Variants in LOXHD1 observed in about 807,000 individuals in gnomAD.
LOXHD1 encodes lipoxygenase homology PLAT domains 1, also known as lipoxygenase homology domain-containing protein 1.
LOXHD1 carries 205 observed loss-of-function variants against 248.2 expected under a neutral mutation model. The observed-to-expected ratio is 0.83, with a 90% CI of 0.74 to 0.93. LOXHD1 has a LOEUF of 0.93. Ranked by LOEUF, LOXHD1 falls within the 40% of genes least tolerant of loss-of-function variation. The pLI, the probability that LOXHD1 is intolerant of heterozygous loss-of-function variation, is 0.00. For synonymous variants in LOXHD1, 1,113 were observed against 1,162.8 expected, an observed-to-expected ratio of 0.96 and a Z score of 0.87; for missense variants, 2,930 against 2,971.6, an observed-to-expected ratio of 0.99 and a Z score of 0.33.
At chr18:46,656,774 A>G (rs2144417371) in intron 1 of LOXHD1, 130 bp downstream of exon 1, 1 of 1,086,800 alleles carries the variant, frequency 9.2e-7, no homozygotes, top group African/African-American at 1.6e-5. Flanking sequence ...GATATGGAAC[A>G]GACACATGGG....
At chr18:46,539,417 C>T (rs983994589) in intron 25 of LOXHD1, among the ~76,000 whole-genome samples, 3 of 151,964 alleles carry the variant, frequency 2.0e-5, no homozygotes, top group Non-Finnish European at 2.9e-5. Context: ...GCTGAGATCA[C>T]GCCACTGCAC....
At chr18:46,641,304 C>T (rs2038960087) in intron 3 of LOXHD1, among the ~76,000 whole-genome samples, 1 of 152,184 alleles carries the variant, frequency 6.6e-6, no homozygotes, top group Non-Finnish European at 1.5e-5. Flanking sequence ...GAACATCTGA[C>T]AATGGGCATG....
At chr18:46,552,670 C>A (rs1372498585) in intron 21 of LOXHD1, among the ~76,000 whole-genome samples, 1 of 152,194 alleles carries the variant, frequency 6.6e-6, no homozygotes, top group Non-Finnish European at 1.5e-5. Flanking sequence ...AGGCCAGCAT[C>A]TCCCACCAGT....
intron 5 of LOXHD1, among the ~76,000 whole-genome samples, chr18:46,612,198 T>C (rs1245926763): frequency 6.6e-6 from 1 of 152,214 alleles, no homozygotes; most frequent in Non-Finnish European, 1.5e-5. Context: ...TAAAATGGAC[T>C]CTTCTGTACC....
At chr18:46,599,239 A>G (rs1336107204) in intron 8 of LOXHD1, among the ~76,000 whole-genome samples, 2 of 152,166 alleles carry the variant, frequency 1.3e-5, no homozygotes, top group Non-Finnish European at 2.9e-5. Context: ...AATGATAAGA[A>G]TTATCTAAAC....
chr18:46,645,638 C>T (rs2039019733), intron 2 of LOXHD1, among the ~76,000 whole-genome samples: 1 of 151,718 alleles, frequency 6.6e-6, no homozygotes, highest in South Asian at 2.1e-4. Flanking sequence ...GGGGTGGGGT[C>T]GGGGTAGAGG....
intron 21 of LOXHD1, chr18:46,555,498 G>GA (rs2143945758): frequency 5.0e-6 from 1 of 200,528 alleles, no homozygotes; most frequent in Non-Finnish European, 1.0e-5. Flanking sequence ...GGTGGGGTGG[G>GA]AGATGGGAGA....
chr18:46,558,053 A>C (rs1378736172), intron 20 of LOXHD1: 1 of 986,710 alleles, frequency 1.0e-6, no homozygotes, highest in Non-Finnish European at 1.2e-6. Flanking sequence ...CCACACCAGG[A>C]ACCTATAAGT....
chr18:46,559,600 T>C lies in LOXHD1; in HGVS notation c.3064A>G (p.Asn1022Asp). The C allele has an allele frequency of 6.4e-7, 1 of 1,551,670 alleles. No homozygotes were observed. Among genetic ancestry groups the C allele is most frequent in the East Asian group, 2.4e-5 (1 of 40,910 alleles). ...GTGACCACCTGAACCTCATAGGTGT[T>C]TCCTGTAGACACAGAAAGATGCAGT... is the stretch of plus-strand genomic sequence containing the variant. ...VPAGKPGPER[N>D]TYEVQVVTGN... Residue 1022 changes from asparagine to aspartate, a missense_variant and splice_region_variant, in exon 20 of 41, where the codon AAC becomes GAC. Coordinates refer to ENST00000642948, the MANE Select transcript of LOXHD1 (RefSeq NM_001384474.1).
In LOXHD1 at chr18:46,610,827, G is replaced by T; in HGVS notation, c.708C>A (p.Ile236=). Residue 236 remains isoleucine, a synonymous_variant, in exon 6 of 41, where the codon ATC becomes ATA. Coordinates refer to ENST00000642948, the MANE Select transcript of LOXHD1 (RefSeq NM_001384474.1). ...DAPDLGQLMK[I]NVGHNNKGGS... ...CCCCCTTATTGTTGTGGCCAACATT[G>T]ATCTTCATCAGCTGCCCCAAATCCG... is the stretch of plus-strand genomic sequence containing the variant. The T allele has an allele frequency of 6.4e-7, 1 of 1,551,684 alleles. No individual in the cohort carries two copies. The highest frequency in any genetic ancestry group is 8.7e-7 in the Non-Finnish European group (1 of 1,146,974).
chr18:46,544,350 T>C (rs752673700), intron 23 of LOXHD1, among the ~76,000 whole-genome samples: 2 of 152,216 alleles, frequency 1.3e-5, no homozygotes, highest in Non-Finnish European at 2.9e-5. Context: ...GACTGTTGGA[T>C]GCTCAAGAAT....
At chr18:46,493,457 A>T (rs1313043399) in intron 37 of LOXHD1, among the ~76,000 whole-genome samples, 1 of 152,220 alleles carries the variant, frequency 6.6e-6, no homozygotes, top group Non-Finnish European at 1.5e-5. Context: ...AGCCTTTTGT[A>T]ACCTATCCAC....
chr18:46,545,627 CTTT>C lies in LOXHD1; in HGVS notation c.3515-209_3515-207del, dbSNP rs56323729. On this transcript the variant is annotated intron_variant, in intron 22 of 40. Transcript: ENST00000642948. Reference sequence around the variant, plus strand: ...GTTTCTATGTTCCTCTTGGCCATTTCTTTTTTTTTTTTTTTTTTTTGAGACGGA... The same window carrying C: ...GTTTCTATGTTCCTCTTGGCCATTTCTTTTTTTTTTTTTTTTTGAGACGGA... Among the ~76,000 whole-genome samples, 84 of 92,208 alleles carry C rather than the reference CTTT, an allele frequency of 9.1e-4. 1 individual carries two copies. The highest frequency in any genetic ancestry group is 1.5e-3 in the East Asian group (6 of 4,076). The allele number at this position is 92,208 out of a possible 152,430, so 60.5% of individuals were successfully genotyped here.
rs967384931 is a variant in LOXHD1, at chr18:46,649,330, G to T, written c.131-61C>A. The T allele has an allele frequency of 2.8e-6, 4 of 1,404,674 alleles. No homozygotes were observed. In the East Asian group the frequency reaches 7.5e-5, roughly 26 times the overall value. 87.0% of individuals were successfully genotyped at this position (1,404,674 alleles called of 1,614,324 possible). Reference sequence around the variant, plus strand: ...AGAAAAAAACCGGAATCCTGTGTGGGCCTGGAGAATCCAGCCCTTGCTGGG... The same window carrying T: ...AGAAAAAAACCGGAATCCTGTGTGGTCCTGGAGAATCCAGCCCTTGCTGGG... On this transcript the variant is annotated intron_variant, in intron 1 of 40. Transcript: ENST00000642948.
At chr18:46,622,435 G>A (rs997418234) in intron 4 of LOXHD1, among the ~76,000 whole-genome samples, 8 of 152,142 alleles carry the variant, frequency 5.3e-5, no homozygotes, top group Non-Finnish European at 8.8e-5. Context: ...TTCTTAGCTC[G>A]GGGTCCACAC....
chr18:46,519,988 T>C (rs145400119), intron 33 of LOXHD1, among the ~76,000 whole-genome samples: 1 of 152,292 alleles, frequency 6.6e-6, no homozygotes, highest in African/African-American at 2.4e-5. Context: ...GCAGCTGCAC[T>C]GCGTGGGGTG....
rs147043072 is a variant in LOXHD1, at chr18:46,511,334, C to G, written c.5400-1519G>C. Among the ~76,000 whole-genome samples the G allele has an allele frequency of 1.4e-4, 22 of 152,298 alleles. No homozygotes were observed. In the East Asian group the frequency reaches 4.2e-3, roughly 29 times the overall value. On this transcript the variant is annotated intron_variant, in intron 34 of 40. Transcript: ENST00000642948. ...CCAGACACCTCAGTTGAGGAGCCAG[C>G]CTTTGATCCAGGCCTTCTGCCCCTG...
intron 9 of LOXHD1, 53 bp from the exon 10 acceptor site, chr18:46,593,813 A>T (rs1599035823): frequency 6.5e-7 from 1 of 1,537,374 alleles, no homozygotes; most frequent in East Asian, 2.5e-5. Context: ...AGAGATTTTC[A>T]TATTACCATG....
At chr18:46,564,587 T>C (rs2037600118) in intron 17 of LOXHD1, among the ~76,000 whole-genome samples, 1 of 152,036 alleles carries the variant, frequency 6.6e-6, no homozygotes, top group Admixed American at 6.5e-5. Flanking sequence ...TGGAGCTAAA[T>C]TTTAGAGGAA....
Sources: allele counts gnomAD v4.1 joint callset (sites outside exome capture counted in the v4.1 genomes callset), GRCh38; gene constraint gnomAD v4.1.1; transcripts MANE v1.5; gene names NCBI Gene and HGNC (gene_info 2026-07-23, HGNC 2026-07-21).